Variants in PLEKHM3 observed in about 807,000 individuals in gnomAD.
The protein encoded by PLEKHM3 is pleckstrin homology domain-containing family M member 3.
In PLEKHM3, 45 loss-of-function variants were observed where a neutral mutation model predicts 81.8. That is an observed-to-expected ratio of 0.55 (90% confidence interval 0.43 to 0.71). The LOEUF (loss-of-function observed/expected upper bound fraction) is 0.71, where lower values mean the gene tolerates loss of function less well. PLEKHM3 is among the 30% of genes least tolerant of loss of function. PLEKHM3 has a pLI of 0.00. For missense variants in PLEKHM3, 788 were observed against 924.3 expected, an observed-to-expected ratio of 0.85 and a Z score of 1.91; for synonymous variants, 352 against 356.4, an observed-to-expected ratio of 0.99 and a Z score of 0.14.
chr2:207,846,926 G>A (rs1283944384), intron 7 of PLEKHM3, among the ~76,000 whole-genome samples: 1 of 152,076 alleles, frequency 6.6e-6, no homozygotes, highest in African/African-American at 2.4e-5. Context: ...TTAATTTTCT[G>A]TACTTTTCAA....
At chr2:207,849,794 T>C (rs1157653393) in intron 7 of PLEKHM3, among the ~76,000 whole-genome samples, 1 of 152,252 alleles carries the variant, frequency 6.6e-6, no homozygotes, top group African/African-American at 2.4e-5. Flanking sequence ...ATTAGTTTAT[T>C]TAAAAAATGT....
At chr2:207,959,770 T>A (rs766928143) in intron 3 of PLEKHM3, among the ~76,000 whole-genome samples, 1 of 152,222 alleles carries the variant, frequency 6.6e-6, no homozygotes, top group Admixed American at 6.5e-5. Context: ...ATTAAAGTCA[T>A]AAGAGTGGAT....
Position 208,014,145 on chromosome 2 carries a change from C to T in PLEKHM3, c.-319+11244G>A, listed in dbSNP as rs1206943061. ...TGTGACAACAACCTTGGCTACCAAT[C>T]AGCCTCTTAACCAATTTAGTCAGGA... is the stretch of plus-strand genomic sequence containing the variant. On this transcript the variant is annotated intron_variant, in intron 1 of 7. Transcript: ENST00000427836. Among the ~76,000 whole-genome samples, 3 of 152,216 alleles carry T rather than the reference C, an allele frequency of 2.0e-5. No individual in the cohort carries two copies. In the East Asian group the frequency reaches 5.8e-4, roughly 29 times the overall value.
intron 3 of PLEKHM3, among the ~76,000 whole-genome samples, chr2:207,951,017 A>G (rs1460594219): frequency 1.3e-5 from 2 of 152,250 alleles, no homozygotes; most frequent in African/African-American, 4.8e-5. Context: ...TCTAAAAAAC[A>G]ACACATGCCA....
chr2:207,839,404 A>G (rs1262556653), intron 7 of PLEKHM3, among the ~76,000 whole-genome samples: 2 of 152,226 alleles, frequency 1.3e-5, no homozygotes, highest in African/African-American at 4.8e-5. Context: ...TTGCTTATGA[A>G]TAAGTTACTG....
At chr2:207,910,281 C>A (rs1242678993) in intron 5 of PLEKHM3, among the ~76,000 whole-genome samples, 1 of 152,092 alleles carries the variant, frequency 6.6e-6, no homozygotes, top group Non-Finnish European at 1.5e-5. Flanking sequence ...ACAGGAAGGC[C>A]CCTGTCGTGG....
chr2:207,986,183 C>T (rs764062320), intron 2 of PLEKHM3, among the ~76,000 whole-genome samples: 1 of 152,070 alleles, frequency 6.6e-6, no homozygotes, highest in Non-Finnish European at 1.5e-5. Context: ...ACTCAAAAGC[C>T]ATGTGGTGCC....
At position 207,908,584 on chromosome 2, in the gene PLEKHM3, A is replaced by C; in HGVS notation, c.1887-7T>G. The stretch of plus-strand genomic sequence containing the variant: ...GTATTCTCTGGGGAAAATTCTGAAA[A>C]CAAGGGCAGATAGACAAGTGAACTG... On this transcript the variant is annotated splice_region_variant and splice_polypyrimidine_tract_variant and intron_variant, in intron 5 of 7. Coordinates refer to ENST00000427836, the MANE Select transcript of PLEKHM3 (RefSeq NM_001080475.3). 1.2e-6 allele frequency: 2 copies of C among 1,606,790 alleles called. No individual in the cohort carries two copies. The highest frequency in any genetic ancestry group is 1.7e-6 in the Non-Finnish European group (2 of 1,174,992).
At chr2:208,014,786 G>A (rs1230181527) in intron 1 of PLEKHM3, among the ~76,000 whole-genome samples, 1 of 152,178 alleles carries the variant, frequency 6.6e-6, no homozygotes, top group Non-Finnish European at 1.5e-5. Context: ...TGAACATTCT[G>A]GAGTTGAATT....
chr2:207,928,803 G>T (rs542746531), intron 5 of PLEKHM3, among the ~76,000 whole-genome samples: 45 of 152,374 alleles, frequency 3.0e-4, no homozygotes, highest in Admixed American at 9.1e-4. Flanking sequence ...GAAGTAAAAA[G>T]GAGAGGAAAG....
intron 5 of PLEKHM3, among the ~76,000 whole-genome samples, chr2:207,923,136 A>T (rs1689242244): frequency 6.6e-6 from 1 of 152,198 alleles, no homozygotes; most frequent in Non-Finnish European, 1.5e-5. Flanking sequence ...GGTCAGGGTC[A>T]GATGACAGAG....
chr2:207,838,350 T>A (rs2092331863), intron 7 of PLEKHM3, among the ~76,000 whole-genome samples: 1 of 152,236 alleles, frequency 6.6e-6, no homozygotes, highest in African/African-American at 2.4e-5. Context: ...AAGGAGAGGT[T>A]TTCCCTGATG....
At chr2:207,871,281 C>G (rs1574355243) in intron 6 of PLEKHM3, among the ~76,000 whole-genome samples, 1 of 152,278 alleles carries the variant, frequency 6.6e-6, no homozygotes, top group Non-Finnish European at 1.5e-5. Context: ...GCTCCTCACC[C>G]TCCCCAATCC....
At chr2:207,948,672 G>A (rs1183705534) in intron 3 of PLEKHM3, among the ~76,000 whole-genome samples, 1 of 151,704 alleles carries the variant, frequency 6.6e-6, no homozygotes, top group African/African-American at 2.4e-5. Flanking sequence ...GCCTCCCGAG[G>A]AGCTGGGACT....
intron 3 of PLEKHM3, among the ~76,000 whole-genome samples, chr2:207,955,593 G>A (rs1053412063): frequency 6.6e-6 from 1 of 152,140 alleles, no homozygotes; most frequent in Non-Finnish European, 1.5e-5. Flanking sequence ...TATGAGGTAG[G>A]TATTATGCCC....
At chr2:207,865,794 AAAAAAAAAGATAT>A (rs1174245716) in intron 6 of PLEKHM3, among the ~76,000 whole-genome samples, 2 of 43,858 alleles carry the variant, frequency 4.6e-5, no homozygotes, top group African/African-American at 2.5e-4. Context: ...AAAAAAAAAA[AAAAAAAAAGATAT>A]ATATATATAT....
chr2:207,962,380 C>A (rs1176521540), intron 3 of PLEKHM3, among the ~76,000 whole-genome samples: 1 of 152,232 alleles, frequency 6.6e-6, no homozygotes, highest in Non-Finnish European at 1.5e-5. Flanking sequence ...CCTGATTCCA[C>A]AGACAGAGGG....
intron 2 of PLEKHM3, among the ~76,000 whole-genome samples, chr2:207,979,466 G>A (rs1411387646): frequency 4.0e-5 from 6 of 151,760 alleles, no homozygotes; most frequent in Non-Finnish European, 5.9e-5. Context: ...CCCAGGAGGC[G>A]GAAGTTGCAG....
chr2:207,969,401 T>C (rs1559262181), intron 3 of PLEKHM3, among the ~76,000 whole-genome samples: 1 of 152,232 alleles, frequency 6.6e-6, no homozygotes, highest in Non-Finnish European at 1.5e-5. Context: ...TAATGAGTAA[T>C]TAACCACCCC....
Sources: allele counts gnomAD v4.1 joint callset (sites outside exome capture counted in the v4.1 genomes callset), GRCh38; gene constraint gnomAD v4.1.1; transcripts MANE v1.5; gene names NCBI Gene and HGNC (gene_info 2026-07-23, HGNC 2026-07-21).